PCDHGB3: variants seen among roughly 807,000 people sequenced by gnomAD.
PCDHGB3 encodes the protein protocadherin gamma subfamily B, 3.
A neutral mutation model predicts 59.2 loss-of-function variants in PCDHGB3; 40 were observed. That is an observed-to-expected ratio of 0.68 (90% CI 0.52 to 0.88). The LOEUF (loss-of-function observed/expected upper bound fraction) is 0.88, where lower values mean the gene tolerates loss of function less well. Among genes scored for constraint, PCDHGB3 ranks in the 40% least tolerant of loss-of-function variants. The pLI, the probability that PCDHGB3 is intolerant of heterozygous loss-of-function variation, is 0.00. For missense variants in PCDHGB3, 1,309 were observed against 1,187.9 expected, an observed-to-expected ratio of 1.10 and a Z score of -1.50; for synonymous variants, 581 against 503.6, an observed-to-expected ratio of 1.15 and a Z score of -2.06.
intron 1 of PCDHGB3, chr5:141,415,029 G>T (rs777967290): frequency 8.1e-6 from 13 of 1,613,554 alleles, no homozygotes; most frequent in Non-Finnish European, 1.0e-5. Context: ...CCAGCGAGCC[G>T]GGACTCTTCG....
In PCDHGB3 at chr5:141,375,349, GAC is replaced by G; in HGVS notation, c.2415+2542_2415+2543del. On this transcript the variant is annotated intron_variant, in intron 1 of 3. Transcript: ENST00000576222. ...AGGTATTCTTGTACAACATCACTGT[GAC>G]AGCCACGGACAAAGGAACACCACCT... 5 of 1,613,848 alleles carry G rather than the reference GAC, an allele frequency of 3.1e-6. No individual in the cohort carries two copies. In the South Asian group the frequency reaches 4.4e-5, roughly 14 times the overall value.
chr5:141,480,074 A>G (rs976924380), intron 1 of PCDHGB3, among the ~76,000 whole-genome samples: 5 of 152,196 alleles, frequency 3.3e-5, no homozygotes, highest in Non-Finnish European at 7.3e-5. Flanking sequence ...TATAAGATTC[A>G]TGCATGATAT....
chr5:141,497,960 C>T (rs946836523), intron 2 of PCDHGB3, among the ~76,000 whole-genome samples: 24 of 152,202 alleles, frequency 1.6e-4, no homozygotes, highest in African/African-American at 5.8e-4. Flanking sequence ...GTTGGCCAGG[C>T]AGTGTTCTCG....
intron 1 of PCDHGB3, chr5:141,375,805 C>T: frequency 6.2e-7 from 1 of 1,614,214 alleles, no homozygotes; most frequent in South Asian, 1.1e-5. Flanking sequence ...GTTCCACTGG[C>T]GTGGAGCTGG....
intron 2 of PCDHGB3, among the ~76,000 whole-genome samples, chr5:141,498,352 CA>C: frequency 6.6e-6 from 1 of 151,890 alleles, no homozygotes; most frequent in African/African-American, 2.4e-5. Flanking sequence ...AAAGCCTATG[CA>C]AAAGCCTTGT....
Position 141,432,427 on chromosome 5 carries a change from C to T in PCDHGB3, c.2415+59618C>T, listed in dbSNP as rs775150918. 2.2e-5 allele frequency: 36 copies of T among 1,614,124 alleles called. No homozygotes were observed. The highest frequency in any genetic ancestry group is 3.1e-5 in the Non-Finnish European group (36 of 1,180,044). ...TGAGCCTGTTCGTGCTGGACCAGAA[C>T]GACAATGCGCCCGAGATCCTGTACC... On this transcript the variant is annotated intron_variant, in intron 1 of 3. Transcript: ENST00000576222. This position sits in a 1 kb window ranked among gnomAD's most constrained non-coding sequence, Gnocchi z 6.0.
Position 141,475,143 on chromosome 5 carries a change from T to TC in PCDHGB3, c.2416-19662dup, listed in dbSNP as rs372338581. On this transcript the variant is annotated intron_variant, in intron 1 of 3. Transcript: ENST00000576222. ...GGCTTTTTTTCTTTTTGAAATCTTC[T>TC]CCGTCTTCTTCTTCATTAGCAGTGC... Among the ~76,000 whole-genome samples the TC allele has an allele frequency of 4.9e-3, 751 of 152,356 alleles. 5 individuals carry two copies. Among genetic ancestry groups the TC allele is most frequent in the Non-Finnish European group, 6.5e-3 (439 of 68,034 alleles).
intron 1 of PCDHGB3, chr5:141,393,251 G>A: frequency 6.2e-7 from 1 of 1,613,814 alleles, no homozygotes; most frequent in Non-Finnish European, 8.5e-7. Context: ...ACGAAATCGC[G>A]GTTCCTGGAG....
chr5:141,383,832 A>G, intron 1 of PCDHGB3: 1 of 1,613,926 alleles, frequency 6.2e-7, no homozygotes, highest in Non-Finnish European at 8.5e-7. Flanking sequence ...ATTATGAAGA[A>G]ACTGCCTTCT....
intron 1 of PCDHGB3, chr5:141,399,103 C>CA (rs755732381): frequency 6.2e-7 from 1 of 1,613,604 alleles, no homozygotes; most frequent in African/African-American, 1.3e-5. Context: ...ACTGGTTGCA[C>CA]AATGTACAGT....
intron 1 of PCDHGB3, among the ~76,000 whole-genome samples, chr5:141,380,913 T>C (rs1776852594): frequency 6.6e-6 from 1 of 152,242 alleles, no homozygotes; most frequent in African/African-American, 2.4e-5. Flanking sequence ...AGTGCTTACA[T>C]TGTTTAATAA....
chr5:141,480,021 C>G (rs1415230863), intron 1 of PCDHGB3, among the ~76,000 whole-genome samples: 1 of 152,208 alleles, frequency 6.6e-6, no homozygotes, highest in Non-Finnish European at 1.5e-5. Context: ...AATCTCCTTT[C>G]TAAGCCTCTT....
chr5:141,437,030 A>G (rs1246601314), intron 1 of PCDHGB3, among the ~76,000 whole-genome samples: 1 of 152,248 alleles, frequency 6.6e-6, no homozygotes, highest in Non-Finnish European at 1.5e-5. Context: ...CAGAAAATGG[A>G]TCACCGAAAC....
chr5:141,370,324 C>A lies in PCDHGB3; in HGVS notation c.-71C>A. On this transcript the variant is annotated 5_prime_UTR_variant, in exon 1 of 4. Transcript: ENST00000576222. Reference sequence around the variant, plus strand: ...GACAAAGCAAATAGTTGGTCCTGCTCGGAGAACTCTTGGGATTATTTAAAG... The same window carrying A: ...GACAAAGCAAATAGTTGGTCCTGCTAGGAGAACTCTTGGGATTATTTAAAG... 1 of 1,378,620 alleles carries A rather than the reference C, an allele frequency of 7.3e-7. No individual in the cohort carries two copies. 85.4% of individuals were successfully genotyped at this position (1,378,620 alleles called of 1,614,324 possible).
chr5:141,384,726 T>C (rs1561604051), intron 1 of PCDHGB3: 3 of 1,613,886 alleles, frequency 1.9e-6, no homozygotes. Flanking sequence ...ACCTCCTGCT[T>C]AAGGCCAGCG....
chr5:141,446,757 G>A (rs769049265), intron 1 of PCDHGB3, among the ~76,000 whole-genome samples: 10 of 152,158 alleles, frequency 6.6e-5, no homozygotes, highest in African/African-American at 1.4e-4. Context: ...GTGAGCCACC[G>A]CGCCCAGCCG....
chr5:141,414,752 A>G (rs1339630983), intron 1 of PCDHGB3: 9 of 1,614,110 alleles, frequency 5.6e-6, no homozygotes, highest in Non-Finnish European at 7.6e-6. Flanking sequence ...TCCTTCGACT[A>G]TGAGCAGTTT....
intron 1 of PCDHGB3, chr5:141,376,110 G>A (rs772810239): frequency 3.7e-6 from 6 of 1,613,762 alleles, no homozygotes; most frequent in Non-Finnish European, 4.2e-6. Flanking sequence ...GCCGACCTGG[G>A]CAGCCTCGAG....
rs1457099502 is a variant in PCDHGB3 at position 141,477,430 on chromosome 5, A to G, written c.2416-17377A>G. The G allele has an allele frequency of 1.2e-6, 2 of 1,614,162 alleles. No individual in the cohort carries two copies. The highest frequency in any genetic ancestry group is 1.7e-6 in the Non-Finnish European group (2 of 1,180,020). Reference sequence around the variant, plus strand: ...GAGACGCCGGAACCCCTTCCCTCTCAGCCCTTACAATAGTGCGTGTTCAAG... The same window carrying G: ...GAGACGCCGGAACCCCTTCCCTCTCGGCCCTTACAATAGTGCGTGTTCAAG... On this transcript the variant is annotated intron_variant, in intron 1 of 3. Transcript: ENST00000576222. This position sits in a 1 kb window ranked among gnomAD's most constrained non-coding sequence, Gnocchi z 4.9.
Sources: allele counts gnomAD v4.1 joint callset (sites outside exome capture counted in the v4.1 genomes callset), GRCh38; gene constraint gnomAD v4.1.1; non-coding constraint Gnocchi (gnomAD v3.1); transcripts MANE v1.5; gene names NCBI Gene and HGNC (gene_info 2026-07-23, HGNC 2026-07-21).